The following BRAF variants were observed in gnomAD, a reference collection of about 807,000 sequenced individuals.
The protein encoded by BRAF is B-Raf proto-oncogene, serine/threonine kinase.
A neutral mutation model predicts 104.6 loss-of-function variants in BRAF; 16 were observed. That is an observed-to-expected ratio of 0.15 (90% CI 0.10 to 0.23). The LOEUF (loss-of-function observed/expected upper bound fraction) is 0.23, where lower values mean the gene tolerates loss of function less well. BRAF is among the 10% of genes least tolerant of loss of function. The pLI is 1.00. For synonymous variants in BRAF, 310 were observed against 341.6 expected, an observed-to-expected ratio of 0.91 and a Z score of 1.02; for missense variants, 541 against 937.3, an observed-to-expected ratio of 0.58 and a Z score of 5.52.
At chr7:140,777,949 A>G (rs1204886852) in intron 13 of BRAF, 42 bp downstream of exon 12, 1 of 1,588,236 alleles carries the variant, frequency 6.3e-7, no homozygotes, top group Non-Finnish European at 8.6e-7. Context: ...GCTAATAAAA[A>G]TAACTTCTTT....
intron 5 of BRAF, among the ~76,000 whole-genome samples, chr7:140,806,248 C>G (rs1173587055): frequency 1.3e-5 from 2 of 152,166 alleles, no homozygotes; most frequent in African/African-American, 4.8e-5. Flanking sequence ...AGAAACCTTC[C>G]TAACTCCTCA....
intron 2 of BRAF, among the ~76,000 whole-genome samples, chr7:140,845,129 T>G (rs1808409499): frequency 6.6e-6 from 1 of 152,202 alleles, no homozygotes; most frequent in South Asian, 2.1e-4. Flanking sequence ...TCAAATGGTT[T>G]TCGACAAGGG....
intron 14 of BRAF, among the ~76,000 whole-genome samples, chr7:140,764,624 A>G (rs543556341): frequency 6.6e-6 from 1 of 152,352 alleles, no homozygotes; most frequent in African/African-American, 2.4e-5. Context: ...ATCAATGTAC[A>G]AAAACCACAA....
chr7:140,873,327 T>G (rs1156320524), intron 1 of BRAF, among the ~76,000 whole-genome samples: 2 of 152,148 alleles, frequency 1.3e-5, no homozygotes, highest in Non-Finnish European at 2.9e-5. Context: ...TGCACCACCA[T>G]GCCTAGCTAT....
intron 19 of BRAF, among the ~76,000 whole-genome samples, chr7:140,727,135 C>T (rs1795640890): frequency 6.6e-6 from 1 of 151,774 alleles, no homozygotes; most frequent in Non-Finnish European, 1.5e-5. Context: ...TTTGTGATAT[C>T]ATGCTCCTTT....
chr7:140,913,510 G>T (rs71543388), intron 1 of BRAF, among the ~76,000 whole-genome samples: 2 of 107,560 alleles, frequency 1.9e-5, no homozygotes, highest in African/African-American at 3.7e-5. Context: ...GTGAGACAGA[G>T]TCTCGCTCTG....
intron 1 of BRAF, among the ~76,000 whole-genome samples, chr7:140,878,957 C>T (rs1203914101): frequency 6.6e-6 from 1 of 152,094 alleles, no homozygotes; most frequent in Non-Finnish European, 1.5e-5. Context: ...TCACTGCAAC[C>T]TCCACCTCCC....
intron 3 of BRAF, among the ~76,000 whole-genome samples, chr7:140,821,294 A>ATT (rs58690200): frequency 5.7e-4 from 42 of 73,914 alleles, no homozygotes; most frequent in Non-Finnish European, 7.0e-4. Context: ...TCTGAATTAC[A>ATT]TTTTTTTTTT....
chr7:140,741,014 G>A (rs1796872699), intron 17 of BRAF: 1 of 152,186 alleles, frequency 6.6e-6, no homozygotes, highest in Non-Finnish European at 1.5e-5. Context: ...GGAATAATAT[G>A]TTGGAGCAAC....
intron 14 of BRAF, among the ~76,000 whole-genome samples, chr7:140,755,634 G>A (rs1006687506): frequency 1.3e-5 from 2 of 152,070 alleles, no homozygotes; most frequent in African/African-American, 4.8e-5. Flanking sequence ...TAGGCTCAGT[G>A]TTCTACATCA....
At chr7:140,852,566 C>T (rs891631356) in intron 1 of BRAF, among the ~76,000 whole-genome samples, 7 of 152,128 alleles carry the variant, frequency 4.6e-5, no homozygotes, top group African/African-American at 1.7e-4. Context: ...TGTTTTCTTT[C>T]ATGATGCCTT....
At chr7:140,876,188 C>T (rs573377292) in intron 1 of BRAF, among the ~76,000 whole-genome samples, 48 of 152,264 alleles carry the variant, frequency 3.2e-4, no homozygotes, top group African/African-American at 9.9e-4. Flanking sequence ...AAGAGACCTA[C>T]GTAGTTTTAA....
intron 2 of BRAF, among the ~76,000 whole-genome samples, chr7:140,848,376 C>G (rs572003463): frequency 1.3e-5 from 2 of 152,118 alleles, no homozygotes; most frequent in South Asian, 4.1e-4. Context: ...ATATCCAGTA[C>G]CTAGTATCTT....
intron 3 of BRAF, among the ~76,000 whole-genome samples, chr7:140,829,499 A>C (rs761013252): frequency 6.6e-6 from 1 of 151,924 alleles, no homozygotes; most frequent in East Asian, 1.9e-4. Flanking sequence ...CATTTTTTTC[A>C]TATTACATTT....
intron 4 of BRAF, 75 bp from the exon 5 acceptor site, chr7:140,808,137 A>C: frequency 8.2e-7 from 1 of 1,222,006 alleles, no homozygotes; most frequent in Non-Finnish European, 1.2e-6. Context: ...TGAAGATATG[A>C]AAATTGGTTA....
At chr7:140,833,517 A>AGT (rs1562984748) in intron 3 of BRAF, among the ~76,000 whole-genome samples, 1 of 152,250 alleles carries the variant, frequency 6.6e-6, no homozygotes, top group Non-Finnish European at 1.5e-5. Context: ...AGATATGCTT[A>AGT]GTAATTCCCC....
chr7:140,732,550 T>TA (rs1276665257), intron 19 of BRAF: 1 of 152,188 alleles, frequency 6.6e-6, no homozygotes, highest in Non-Finnish European at 1.5e-5. Flanking sequence ...AGAGTAGAAT[T>TA]ACTCTGTGAC....
chr7:140,899,360 A>C (rs1050586556), intron 1 of BRAF, among the ~76,000 whole-genome samples: 1 of 152,190 alleles, frequency 6.6e-6, no homozygotes, highest in African/African-American at 2.4e-5. Flanking sequence ...CATACTCAAG[A>C]ACCATTAGTC....
rs143064004 is a variant in BRAF at position 140,783,330 on chromosome 7, A to G, written c.1298-173T>C. The G allele has an allele frequency of 2.7e-4, 194 of 714,910 alleles. No individual in the cohort carries two copies. In the African/African-American group the frequency reaches 3.2e-3, roughly 12 times the overall value. The allele number at this position is 714,910 out of a possible 1,614,324, so 44.3% of individuals were successfully genotyped here. A position where few individuals can be genotyped will look rare whatever the true frequency, so the allele number is the denominator to read the frequency against. ...GGGGCCTCATTTGGTGATTACAACT[A>G]TAATTTCTTTTAGTTTTCTGGCCAA... On this transcript the variant is annotated intron_variant, in intron 10 of 19. Coordinates refer to ENST00000644969, the MANE Select transcript of BRAF (RefSeq NM_001374258.1).
Sources: gnomAD v4.1 joint callset for allele counts (sites outside exome capture counted in the v4.1 genomes callset) on GRCh38, gnomAD v4.1.1 for gene constraint, MANE v1.5 for transcripts, NCBI Gene and HGNC (gene_info 2026-07-23, HGNC 2026-07-21) for gene names.